The following MMP26 variants were observed in gnomAD, a reference collection of about 807,000 sequenced individuals.
MMP26 encodes matrix metallopeptidase 26.
Under a neutral mutation model 31.0 loss-of-function variants are expected in MMP26, and 33 were observed. That is an observed-to-expected ratio of 1.06 (90% CI 0.81 to 1.42). The LOEUF is 1.42. Ranked by LOEUF, MMP26 falls within the 40% of genes most tolerant of loss-of-function variation. The pLI, the probability that MMP26 is intolerant of heterozygous loss-of-function variation, is 0.00. For synonymous variants in MMP26, 122 were observed against 114.9 expected, an observed-to-expected ratio of 1.06 and a Z score of -0.40; for missense variants, 347 against 316.1, an observed-to-expected ratio of 1.10 and a Z score of -0.74.
At chr11:4,727,697 C>T (rs1848120032) in intron 1 of MMP26, among the ~76,000 whole-genome samples, 1 of 152,098 alleles carries the variant, frequency 6.6e-6, no homozygotes, top group African/African-American at 2.4e-5. Context: ...GTAATCCCAG[C>T]TACTTGGAGG....
intron 2 of MMP26, among the ~76,000 whole-genome samples, chr11:4,921,058 T>A (rs1181803578): frequency 1.3e-5 from 2 of 152,184 alleles, no homozygotes; most frequent in African/African-American, 4.8e-5. Context: ...TGTCCTGATT[T>A]CCAAACAATA....
At chr11:4,778,111 A>G (rs1848812470) in intron 2 of MMP26, among the ~76,000 whole-genome samples, 1 of 152,042 alleles carries the variant, frequency 6.6e-6, no homozygotes, top group African/African-American at 2.4e-5. Context: ...ATCAATTCAC[A>G]TCTTTCTCTA....
intron 2 of MMP26, among the ~76,000 whole-genome samples, chr11:4,939,219 C>T (rs1487314280): frequency 6.6e-6 from 1 of 152,008 alleles, no homozygotes; most frequent in Non-Finnish European, 1.5e-5. Flanking sequence ...ATTTTTAACA[C>T]CTAGCATAGT....
At chr11:4,829,658 C>T (rs914096676) in intron 2 of MMP26, among the ~76,000 whole-genome samples, 1 of 152,020 alleles carries the variant, frequency 6.6e-6, no homozygotes, top group Non-Finnish European at 1.5e-5. Flanking sequence ...TGTTAAGGGG[C>T]TAGATATAAG....
chr11:4,728,874 C>T (rs944233878), intron 1 of MMP26, among the ~76,000 whole-genome samples: 43 of 151,884 alleles, frequency 2.8e-4, no homozygotes, highest in African/African-American at 9.9e-4. Flanking sequence ...TAAATGCATT[C>T]TATTTTACAT....
chr11:4,836,828 T>G (rs1412263611), intron 2 of MMP26, among the ~76,000 whole-genome samples: 1 of 146,964 alleles, frequency 6.8e-6, no homozygotes, highest in African/African-American at 2.5e-5. Context: ...CCCAGCTAAT[T>G]TTTTTTTTTT....
intron 2 of MMP26, among the ~76,000 whole-genome samples, chr11:4,983,459 G>GT (rs1482496391): frequency 1.3e-5 from 2 of 152,132 alleles, no homozygotes; most frequent in Non-Finnish European, 2.9e-5. Flanking sequence ...CTTTACCTGA[G>GT]TAACAGAAAA....
At position 4,740,556 on chromosome 11, in the gene MMP26, G is replaced by C. The variant is rs185532439; in HGVS notation, c.-216-26714G>C. Among the ~76,000 whole-genome samples, 42 of 151,916 alleles carry C rather than the reference G, an allele frequency of 2.8e-4. No individual in the cohort carries two copies. The East Asian group carries it at 5.2e-3, about 19-fold the overall frequency. ...AAATTAGCTGGGCATGAGGGTGGGC[G>C]CCTGTAATCCCAACTACTCAGGAGG... On this transcript the variant is annotated intron_variant, in intron 1 of 7. Transcript: ENST00000380390.
intron 2 of MMP26, among the ~76,000 whole-genome samples, chr11:4,896,887 T>C (rs1373577226): frequency 2.6e-5 from 4 of 152,198 alleles, no homozygotes; most frequent in Non-Finnish European, 5.9e-5. Context: ...ACTTTCCTAC[T>C]ACATGCAAAT....
At chr11:4,708,821 C>G (rs759393514) in intron 1 of MMP26, among the ~76,000 whole-genome samples, 6 of 152,176 alleles carry the variant, frequency 3.9e-5, no homozygotes, top group Non-Finnish European at 7.4e-5. Context: ...TTATCCATGA[C>G]TTTCCAATGA....
intron 2 of MMP26, among the ~76,000 whole-genome samples, chr11:4,902,012 T>A (rs1248658718): frequency 6.6e-6 from 1 of 152,244 alleles, no homozygotes; most frequent in Non-Finnish European, 1.5e-5. Context: ...ACACTGCACC[T>A]GACATAAAAC....
chr11:4,856,431 G>C (rs1442585692), intron 2 of MMP26, among the ~76,000 whole-genome samples: 2 of 152,168 alleles, frequency 1.3e-5, no homozygotes, highest in East Asian at 3.8e-4. Flanking sequence ...CCTAGTCTCT[G>C]ATAAAACAGA....
intron 1 of MMP26, among the ~76,000 whole-genome samples, chr11:4,726,019 CAGAA>C (rs1054648226): frequency 6.6e-5 from 10 of 152,082 alleles, no homozygotes; most frequent in Non-Finnish European, 1.5e-4. Flanking sequence ...CTCTGGGCTG[CAGAA>C]AGAAATAGAG....
chr11:4,923,566 A>C (rs910473334), intron 2 of MMP26: 1 of 1,614,158 alleles, frequency 6.2e-7, no homozygotes, highest in Non-Finnish European at 8.5e-7. Context: ...GAGACAAGCC[A>C]ATCATGGGGA....
intron 1 of MMP26, among the ~76,000 whole-genome samples, chr11:4,734,932 A>C (rs958701301): frequency 6.7e-6 from 1 of 150,198 alleles, no homozygotes; most frequent in Non-Finnish European, 1.5e-5. Context: ...TCTGACAGCT[A>C]TGCCTGGCAT....
chr11:4,759,686 G>C (rs567303177), intron 1 of MMP26, among the ~76,000 whole-genome samples: 1 of 152,288 alleles, frequency 6.6e-6, no homozygotes, highest in South Asian at 2.1e-4. Context: ...TATATCCTAT[G>C]ATTAGTGGGA....
At chr11:4,879,007 G>A (rs531650028) in intron 2 of MMP26, among the ~76,000 whole-genome samples, 16 of 152,230 alleles carry the variant, frequency 1.1e-4, no homozygotes, top group Admixed American at 2.6e-4. Flanking sequence ...AAGCCGAGGC[G>A]GGTGGATCAT....
At chr11:4,818,098 G>A (rs762585791) in intron 2 of MMP26, among the ~76,000 whole-genome samples, 1 of 152,198 alleles carries the variant, frequency 6.6e-6, no homozygotes. Context: ...CAGAGTGACA[G>A]GCTTAGACTA....
At chr11:4,862,453 T>C (rs1208893630) in intron 2 of MMP26, among the ~76,000 whole-genome samples, 3 of 152,178 alleles carry the variant, frequency 2.0e-5, no homozygotes, top group Non-Finnish European at 4.4e-5. Flanking sequence ...TTAGAATCCC[T>C]CAAACTCTGT....
Sources: allele counts gnomAD v4.1 joint callset (sites outside exome capture counted in the v4.1 genomes callset), GRCh38; gene constraint gnomAD v4.1.1; transcripts MANE v1.5; gene names NCBI Gene and HGNC (gene_info 2026-07-23, HGNC 2026-07-21).